Variants in RABGAP1 observed in about 807,000 individuals in gnomAD.
RABGAP1 encodes the protein rab GTPase-activating protein 1.
RABGAP1 carries 23 observed loss-of-function variants against 137.6 expected under a neutral mutation model. The observed-to-expected ratio is 0.17, with a 90% confidence interval of 0.12 to 0.24. The LOEUF is 0.24. Among genes scored for constraint, RABGAP1 ranks in the 10% least tolerant of loss-of-function variants. The pLI is 1.00. For missense variants in RABGAP1, 906 were observed against 1,275.8 expected (o/e 0.71, Z 4.42); for synonymous variants, 451 against 450.7 (o/e 1.00, Z -0.01).
upstream of RABGAP1, among the ~76,000 whole-genome samples, chr9:122,936,016 A>G (rs1479634275): frequency 6.6e-6 from 1 of 151,914 alleles, no homozygotes; most frequent in Admixed American, 6.6e-5. Context: ...TCTTATTGCA[A>G]TCCTTTGTAT....
chr9:122,982,324 G>T (rs917229285), intron 2 of RABGAP1, among the ~76,000 whole-genome samples: 1 of 152,172 alleles, frequency 6.6e-6, no homozygotes, highest in South Asian at 2.1e-4. Flanking sequence ...CAAGATAAAC[G>T]TGTAAACACA....
At chr9:123,000,266 G>C (rs1837250327) in intron 10 of RABGAP1, among the ~76,000 whole-genome samples, 2 of 151,726 alleles carry the variant, frequency 1.3e-5, no homozygotes, top group South Asian at 4.2e-4. Context: ...CTTAAATCGG[G>C]CAGTTAACTT....
chr9:122,997,889 AT>A (rs1411972686), intron 9 of RABGAP1, among the ~76,000 whole-genome samples: 12 of 152,228 alleles, frequency 7.9e-5, no homozygotes, highest in Admixed American at 2.6e-4. Flanking sequence ...CTTATTGAGC[AT>A]TTTTCCCCCC....
intron 13 of RABGAP1, among the ~76,000 whole-genome samples, chr9:123,022,425 G>A (rs762568480): frequency 6.6e-6 from 1 of 151,854 alleles, no homozygotes; most frequent in South Asian, 2.1e-4. Flanking sequence ...TTTTTGAGAC[G>A]GAGTCTAGCT....
intron 21 of RABGAP1, among the ~76,000 whole-genome samples, chr9:123,097,233 A>G (rs1452591482): frequency 1.3e-5 from 2 of 152,226 alleles, no homozygotes; most frequent in African/African-American, 4.8e-5. Flanking sequence ...AAGATAAGAA[A>G]AAGTGCCAGG....
intron 2 of RABGAP1, among the ~76,000 whole-genome samples, chr9:122,961,377 A>G (rs544928622): frequency 1.3e-5 from 2 of 152,310 alleles, no homozygotes; most frequent in East Asian, 3.9e-4. Flanking sequence ...AACATATTCA[A>G]AGCACTTAAA....
intron 19 of RABGAP1, among the ~76,000 whole-genome samples, chr9:123,080,575 G>A (rs1013936542): frequency 1.3e-5 from 2 of 152,132 alleles, no homozygotes; most frequent in African/African-American, 4.8e-5. Flanking sequence ...TGATAATTCA[G>A]TGGTAACTTG....
At chr9:123,047,187 A>C (rs778994251) in intron 13 of RABGAP1, among the ~76,000 whole-genome samples, 31 of 152,258 alleles carry the variant, frequency 2.0e-4, no homozygotes, top group Admixed American at 5.2e-4. Flanking sequence ...AAACGAGTTA[A>C]GATTTTCTTT....
At chr9:123,076,174 G>A (rs1234787697) in intron 17 of RABGAP1, 71 bp from the exon 18 acceptor site, 1 of 1,452,668 alleles carries the variant, frequency 6.9e-7, no homozygotes, top group Non-Finnish European at 9.5e-7. Context: ...AAAATGTGGG[G>A]TATAAGGACA....
intron 13 of RABGAP1, among the ~76,000 whole-genome samples, chr9:123,037,658 G>A (rs1280196174): frequency 6.6e-6 from 1 of 152,106 alleles, no homozygotes; most frequent in Non-Finnish European, 1.5e-5. Context: ...TAGAAAATAT[G>A]GCAATTTTAA....
intron 14 of RABGAP1, 27 bp downstream of exon 14, chr9:123,065,488 C>G (rs768707789): frequency 1.4e-6 from 2 of 1,434,852 alleles, no homozygotes. Flanking sequence ...AAAAAAAGGA[C>G]TCAATTCTGA....
chr9:123,027,108 CTT>C (rs71388345), intron 13 of RABGAP1, among the ~76,000 whole-genome samples: 168 of 100,078 alleles, frequency 1.7e-3, no homozygotes, highest in African/African-American at 3.0e-3. Flanking sequence ...TCTTTCTTTT[CTT>C]TTTTTTTTTT....
chr9:123,000,576 A>G (rs1837268180), intron 10 of RABGAP1, among the ~76,000 whole-genome samples: 2 of 152,096 alleles, frequency 1.3e-5, no homozygotes, highest in Non-Finnish European at 2.9e-5. Context: ...CTCAAACTTA[A>G]CATGTCCAAA....
chr9:123,041,462 A>C (rs898257436), intron 13 of RABGAP1, among the ~76,000 whole-genome samples: 6 of 152,226 alleles, frequency 3.9e-5, no homozygotes, highest in African/African-American at 1.4e-4. Context: ...TTATGATTCA[A>C]ATCCAATTCT....
chr9:122,984,774 G>A (rs1836279687), intron 3 of RABGAP1, 55 bp downstream of exon 3: 1 of 1,485,118 alleles, frequency 6.7e-7, no homozygotes, highest in African/African-American at 1.4e-5. Context: ...TAATATGTGA[G>A]TGTCCACCCT....
At chr9:123,027,145 T>G (rs1457706360) in intron 13 of RABGAP1, among the ~76,000 whole-genome samples, 4 of 145,812 alleles carry the variant, frequency 2.7e-5, no homozygotes, top group Admixed American at 7.0e-5. Flanking sequence ...ACTCTCGCTC[T>G]CTCGCTCTGT....
At chr9:122,945,065 C>T (rs1250844684) in intron 1 of RABGAP1, among the ~76,000 whole-genome samples, 1 of 149,134 alleles carries the variant, frequency 6.7e-6, no homozygotes, top group Non-Finnish European at 1.5e-5. Flanking sequence ...TAGTTAGATC[C>T]CACTGAAAAA....
intron 13 of RABGAP1, among the ~76,000 whole-genome samples, chr9:123,058,909 A>C (rs938100197): frequency 2.0e-5 from 3 of 152,178 alleles, no homozygotes; most frequent in Admixed American, 6.5e-5. Flanking sequence ...GTCTTCCCCC[A>C]GCATGCCCCA....
chr9:123,013,066 AAC>A (rs2030943940), intron 11 of RABGAP1, among the ~76,000 whole-genome samples: 1 of 152,198 alleles, frequency 6.6e-6, no homozygotes, highest in Admixed American at 6.5e-5. Flanking sequence ...ATGGGTTCTT[AAC>A]ACAGATTTTA....
Sources: gnomAD v4.1 joint callset for allele counts (sites outside exome capture counted in the v4.1 genomes callset) on GRCh38, gnomAD v4.1.1 for gene constraint, MANE v1.5 for transcripts, NCBI Gene and HGNC (gene_info 2026-07-23, HGNC 2026-07-21) for gene names.